Variants in FITM2 observed in about 807,000 individuals in gnomAD.
FITM2 encodes acyl-coenzyme A diphosphatase FITM2.
In FITM2, 16 loss-of-function variants were observed where a neutral mutation model predicts 23.3. The observed-to-expected ratio is 0.69, with a 90% CI of 0.47 to 1.05. The LOEUF (loss-of-function observed/expected upper bound fraction) is 1.05, where lower values mean the gene tolerates loss of function less well. FITM2 is among the 50% of genes least tolerant of loss of function. FITM2 has a pLI of 0.00. For synonymous variants in FITM2, 132 were observed against 142.0 expected, an observed-to-expected ratio of 0.93 and a Z score of 0.50; for missense variants, 273 against 327.5, an observed-to-expected ratio of 0.83 and a Z score of 1.29.
At position 44,306,634 on chromosome 20, in the gene FITM2, G is replaced by GT; in HGVS notation, c.779dup (p.Tyr260Ter). ...CCCCTCTGTTACTCTTTTATTTCTTGTAACTATCTTGCTTCAAATTCAAAC... is the reference window on the plus strand; with the variant it reads ...CCCCTCTGTTACTCTTTTATTTCTTGTTAACTATCTTGCTTCAAATTCAAAC... ...SCSLNLKQDS[Y>*]KK is the part of the protein sequence containing the mutation. The change falls in exon 2 of 2, where the codon TAC (tyrosine) becomes TAAC (stop). Residue 260 changes from tyrosine to a stop codon, truncating the protein, a stop_gained and frameshift_variant. Coordinates refer to ENST00000396825, the MANE Select transcript of FITM2 (RefSeq NM_001080472.4). LOFTEE classifies it high-confidence loss of function. 1.2e-6 allele frequency: 2 copies of GT among 1,612,744 alleles called. No homozygotes were observed. The highest frequency in any genetic ancestry group is 8.5e-7 in the Non-Finnish European group (1 of 1,179,042).
chr20:44,307,226 A>G lies in FITM2; in HGVS notation c.188T>C (p.Val63Ala). 1.9e-6 allele frequency: 3 copies of G among 1,613,868 alleles called. No individual in the cohort carries two copies. The highest frequency in any genetic ancestry group is 1.1e-5 in the South Asian group (1 of 91,082). The change falls in exon 2 of 2, where the codon GTG (valine) becomes GCG (alanine). Residue 63 changes from valine (V) to alanine (A), a missense_variant. Val to Ala is a moderately conservative substitution (Grantham distance 64). Coordinates refer to ENST00000396825, the MANE Select transcript of FITM2 (RefSeq NM_001080472.4). ...GAGACAGAACGTCCAGGCCCAGGCC[A>G]CTTTGACAAAATACCTGACAGAGGA... ...RNVLNVYFVKVAWAWTFCLLL... is the reference protein window; with the variant it reads ...RNVLNVYFVKAAWAWTFCLLL...
At chr20:44,307,997 G>A in intron 1 of FITM2, among the ~76,000 whole-genome samples, 1 of 151,974 alleles carries the variant, frequency 6.6e-6, no homozygotes, top group African/African-American at 2.4e-5. Context: ...TGAGGCAGGA[G>A]AATGGCATGA....
chr20:44,311,193 C>G lies in FITM2; in HGVS notation c.-45G>C, dbSNP rs760305499. The G allele has an allele frequency of 1.3e-6, 2 of 1,585,136 alleles. No individual in the cohort carries two copies. Among genetic ancestry groups the G allele is most frequent in the South Asian group, 1.1e-5 (1 of 87,098 alleles). On this transcript the variant is annotated 5_prime_UTR_variant, in exon 1 of 2. Transcript: ENST00000396825. Reference sequence around the variant, plus strand: ...CGTCCTCCTCTCCGTGCCCTCTCGGCCACCGTATCGCCCTTCGCCCGGACC... The same window carrying G: ...CGTCCTCCTCTCCGTGCCCTCTCGGGCACCGTATCGCCCTTCGCCCGGACC...
At chr20:44,307,306 C>T in intron 1 of FITM2, 66 bp from the exon 2 acceptor site, 3 of 1,568,600 alleles carry the variant, frequency 1.9e-6, no homozygotes, top group Non-Finnish European at 1.7e-6. Context: ...TGTCAGGACT[C>T]AGGTCTCTAC....
chr20:44,310,999 G>T lies in FITM2; in HGVS notation c.150C>A (p.Ser50Arg). The change falls in exon 1 of 2, where the codon AGC (serine) becomes AGA (arginine). Residue 50 changes from serine (S) to arginine (R), a missense_variant. Around this residue, in one of 3 missense-constraint regions of FITM2, gnomAD observed 123 missense variants for 117.9 expected, o/e 1.04. Coordinates refer to ENST00000396825, the MANE Select transcript of FITM2 (RefSeq NM_001080472.4). The stretch of plus-strand genomic sequence containing the variant: ...ACACGTTGAGGACGTTGCGCTTGTT[G>T]CTGAGGTAGCTCTCGGGCAACGGGG... ...ELSPLPESYL[S>R]NKRNVLNVYF... 1 of 1,560,822 alleles carries T rather than the reference G, an allele frequency of 6.4e-7. No individual in the cohort carries two copies. The highest frequency in any genetic ancestry group is 8.7e-7 in the Non-Finnish European group (1 of 1,153,324).
At position 44,306,503 on chromosome 20, in the gene FITM2, C is replaced by G. The variant is rs1354262826; in HGVS notation, c.*122G>C. ...CTCCCCAGACTTCAGCACCACCCACCAAAACTGCCTGGTACACTTTCCCTC... is the reference window on the plus strand; with the variant it reads ...CTCCCCAGACTTCAGCACCACCCACGAAAACTGCCTGGTACACTTTCCCTC... On this transcript the variant is annotated 3_prime_UTR_variant, in exon 2 of 2. Transcript: ENST00000396825. 2.1e-5 allele frequency: 30 copies of G among 1,409,392 alleles called. No homozygotes were observed. Among genetic ancestry groups the G allele is most frequent in the Non-Finnish European group, 2.4e-5 (25 of 1,053,238 alleles). The allele number at this position is 1,409,392 out of a possible 1,614,324, so 87.3% of individuals were successfully genotyped here.
At chr20:44,309,752 A>G (rs559909532) in intron 1 of FITM2, among the ~76,000 whole-genome samples, 1 of 152,244 alleles carries the variant, frequency 6.6e-6, no homozygotes, top group South Asian at 2.1e-4. Context: ...ATCCATGACT[A>G]CCTTCAAACA....
At chr20:44,309,175 A>T (rs148009927) in intron 1 of FITM2, among the ~76,000 whole-genome samples, 3 of 150,848 alleles carry the variant, frequency 2.0e-5, no homozygotes, top group Non-Finnish European at 2.9e-5. Flanking sequence ...TTGTATTTTT[A>T]TTTTTATTTA....
chr20:44,305,309 G>C lies in FITM2; in HGVS notation c.*1316C>G, dbSNP rs1004780915. 2.6e-5 allele frequency: 4 copies of C among 152,062 alleles called. No homozygotes were observed. The highest frequency in any genetic ancestry group is 9.7e-5 in the African/African-American group (4 of 41,396). 9.4% of individuals were successfully genotyped at this position (152,062 alleles called of 1,614,324 possible). A position where few individuals can be genotyped will look rare whatever the true frequency, so the allele number is the denominator to read the frequency against. On this transcript the variant is annotated 3_prime_UTR_variant, in exon 2 of 2. Transcript: ENST00000396825. ...AGAACAGAAAAAAAGTAATCTTATT[G>C]CTCCAAAAAAACCAGCATATAGTAA...
intron 1 of FITM2, among the ~76,000 whole-genome samples, chr20:44,310,272 G>C (rs1398989798): frequency 6.6e-6 from 1 of 152,172 alleles, no homozygotes; most frequent in African/African-American, 2.4e-5. Context: ...TACTAACCGG[G>C]AGTTTTGAAA....
chr20:44,305,298 G>A lies in FITM2; in HGVS notation c.*1327C>T, dbSNP rs2062686552. 6.6e-6 allele frequency: 1 copy of A among 152,138 alleles called. No homozygotes were observed. The highest frequency in any genetic ancestry group is 1.9e-4 in the East Asian group (1 of 5,198). 9.4% of individuals were successfully genotyped at this position (152,138 alleles called of 1,614,324 possible). ...TCGCTCAAAATAGAACAGAAAAAAA[G>A]TAATCTTATTGCTCCAAAAAAACCA... On this transcript the variant is annotated 3_prime_UTR_variant, in exon 2 of 2. Coordinates refer to ENST00000396825, the MANE Select transcript of FITM2 (RefSeq NM_001080472.4).
In FITM2 at chr20:44,306,980, C is replaced by A; in HGVS notation, c.434G>T (p.Gly145Val). Reference protein sequence around the residue: ...QSKQQCHQEGGFWHGFDISGH... With the variant: ...QSKQQCHQEGVFWHGFDISGH... Reference sequence around the variant, plus strand: ...TGAGATGTCAAAGCCATGCCAAAAGCCCCCTTCCTGGTGGCACTGCTGCTT... The same window carrying A: ...TGAGATGTCAAAGCCATGCCAAAAGACCCCTTCCTGGTGGCACTGCTGCTT... Residue 145 changes from glycine (G) to valine (V), a missense_variant, in exon 2 of 2, where the codon GGC becomes GTC. Around this residue, in one of 3 missense-constraint regions of FITM2, gnomAD observed 117 missense variants for 183.3 expected, o/e 0.64. Coordinates refer to ENST00000396825, the MANE Select transcript of FITM2 (RefSeq NM_001080472.4). The A allele has an allele frequency of 6.2e-7, 1 of 1,614,198 alleles. No individual in the cohort carries two copies. The highest frequency in any genetic ancestry group is 8.5e-7 in the Non-Finnish European group (1 of 1,180,042).
intron 1 of FITM2, among the ~76,000 whole-genome samples, chr20:44,308,482 T>G (rs2062696624): frequency 6.6e-6 from 1 of 152,154 alleles, no homozygotes; most frequent in African/African-American, 2.4e-5. Flanking sequence ...AACCACGGTT[T>G]GGATAGCCCC....
At chr20:44,310,374 T>G (rs984399290) in intron 1 of FITM2, among the ~76,000 whole-genome samples, 16 of 152,206 alleles carry the variant, frequency 1.1e-4, no homozygotes, top group Admixed American at 5.9e-4. Context: ...GCCACTGCCA[T>G]GCATTCTGAG....
Position 44,311,201 on chromosome 20 carries a change from T to TA in FITM2, c.-54_-53insT, listed in dbSNP as rs2062704767. 1 of 1,560,960 alleles carries TA rather than the reference T, an allele frequency of 6.4e-7. No homozygotes were observed. The highest frequency in any genetic ancestry group is 8.7e-7 in the Non-Finnish European group (1 of 1,152,720). ...TCTCCGTGCCCTCTCGGCCACCGTATCGCCCTTCGCCCGGACCTGCGCCTC... is the reference window on the plus strand; with the variant it reads ...TCTCCGTGCCCTCTCGGCCACCGTATACGCCCTTCGCCCGGACCTGCGCCTC... On this transcript the variant is annotated 5_prime_UTR_variant, in exon 1 of 2. Coordinates refer to ENST00000396825, the MANE Select transcript of FITM2 (RefSeq NM_001080472.4).
rs62206057 is a variant in FITM2 at position 44,307,870 on chromosome 20, G to A, written c.174-630C>T. ...TGGGAGGCCGAGGTGGGCAGATCAC[G>A]AGGTCAGGAGATCGAGACCATCCTG... On this transcript the variant is annotated intron_variant, in intron 1 of 1. Coordinates refer to ENST00000396825, the MANE Select transcript of FITM2 (RefSeq NM_001080472.4). 7.4e-3 allele frequency among the ~76,000 whole-genome samples: 1,131 copies of A among 152,040 alleles called. 13 individuals carry two copies. Among genetic ancestry groups the A allele is most frequent in the East Asian group, 0.05 (255 of 5,078 alleles).
intron 1 of FITM2, 65 bp from the exon 2 acceptor site, chr20:44,307,305 T>C: frequency 6.3e-7 from 1 of 1,575,952 alleles, no homozygotes. Context: ...ATGTCAGGAC[T>C]CAGGTCTCTA....
In FITM2 at chr20:44,303,390, T is replaced by C. The variant is rs1027232383; in HGVS notation, c.*3235A>G. Reference sequence around the variant, plus strand: ...TTCACTTATGTCAGGCTGTTTCACATAGGAATAGAAAGCATGCTCCCAAGG... The same window carrying C: ...TTCACTTATGTCAGGCTGTTTCACACAGGAATAGAAAGCATGCTCCCAAGG... On this transcript the variant is annotated 3_prime_UTR_variant, in exon 2 of 2. Transcript: ENST00000396825. The C allele has an allele frequency of 4.6e-5, 7 of 152,104 alleles. No individual in the cohort carries two copies. Among genetic ancestry groups the C allele is most frequent in the African/African-American group, 1.2e-4 (5 of 41,396 alleles). 9.4% of individuals were successfully genotyped at this position (152,104 alleles called of 1,614,324 possible). A position where few individuals can be genotyped will look rare whatever the true frequency, so the allele number is the denominator to read the frequency against.
At position 44,306,612 on chromosome 20, in the gene FITM2, C is replaced by G; in HGVS notation, c.*13G>C. 1 of 1,608,604 alleles carries G rather than the reference C, an allele frequency of 6.2e-7. No homozygotes were observed. Among genetic ancestry groups the G allele is most frequent in the Non-Finnish European group, 8.5e-7 (1 of 1,175,996 alleles). On this transcript the variant is annotated 3_prime_UTR_variant, in exon 2 of 2. Transcript: ENST00000396825. ...ATTAGCCATTGTCCTTCTGTCCCCC[C>G]TCTGTTACTCTTTTATTTCTTGTAA...
Sources: gnomAD v4.1 joint callset for allele counts (sites outside exome capture counted in the v4.1 genomes callset) on GRCh38, gnomAD v4.1.1 for gene constraint, gnomAD v4.1.1 regional missense constraint, MANE v1.5 for transcripts, NCBI Gene and HGNC (gene_info 2026-07-23, HGNC 2026-07-21) for gene names.